SGCD: variants seen among roughly 807,000 people sequenced by gnomAD.
SGCD encodes the protein sarcoglycan delta, also known as delta-sarcoglycan.
SGCD carries 18 observed loss-of-function variants against 36.6 expected under a neutral mutation model. The ratio of observed to expected loss-of-function variants is 0.49; its 90% CI spans 0.34 to 0.73. The LOEUF is 0.73. Ranked by LOEUF, SGCD falls within the 30% of genes least tolerant of loss-of-function variation. SGCD has a pLI of 0.01. For missense variants in SGCD, 387 were observed against 346.7 expected (o/e 1.12, Z -0.92); for synonymous variants, 133 against 130.6 (o/e 1.02, Z -0.12).
intron 3 of SGCD, among the ~76,000 whole-genome samples, chr5:156,345,352 A>T (rs1768891585): frequency 6.6e-6 from 1 of 152,200 alleles, no homozygotes; most frequent in African/African-American, 2.4e-5. Flanking sequence ...ATGAAAAGAA[A>T]ATCCTGAAAA....
In SGCD at chr5:156,049,919, T is replaced by A. The variant is rs1290945847; in HGVS notation, c.-281-67959T>A. 2.7e-5 allele frequency among the ~76,000 whole-genome samples: 4 copies of A among 146,542 alleles called. 1 individual carries two copies. The highest frequency in any genetic ancestry group is 6.2e-5 in the Non-Finnish European group (4 of 64,984). ...TGGAGCTGTGACTGAAGTGCTGAAATCTCATGATAAAACTTGAATGGATGA... is the reference window on the plus strand; with the variant it reads ...TGGAGCTGTGACTGAAGTGCTGAAAACTCATGATAAAACTTGAATGGATGA... On this transcript the variant is annotated intron_variant, in intron 1 of 9. Transcript: ENST00000517913.
intron 3 of SGCD, among the ~76,000 whole-genome samples, chr5:156,251,989 A>C (rs1765592127): frequency 6.6e-6 from 1 of 152,144 alleles, no homozygotes; most frequent in South Asian, 2.1e-4. Flanking sequence ...AAACTTAATA[A>C]CTTTGTCTTA....
At chr5:155,790,947 T>C in the SGCD span, among the ~76,000 whole-genome samples, 1 of 152,112 alleles carries the variant, frequency 6.6e-6, no homozygotes, top group African/African-American at 2.4e-5. Flanking sequence ...CTTTATTACA[T>C]GCTACAATAA....
At chr5:155,767,509 G>A in the SGCD span, among the ~76,000 whole-genome samples, 2 of 152,138 alleles carry the variant, frequency 1.3e-5, no homozygotes, top group African/African-American at 4.8e-5. Flanking sequence ...GTTCTTGGTA[G>A]GTTTACCCTG....
chr5:156,734,084 G>A (rs778378524), intron 7 of SGCD, among the ~76,000 whole-genome samples: 1 of 152,122 alleles, frequency 6.6e-6, no homozygotes, highest in Non-Finnish European at 1.5e-5. Context: ...CAGAGCTCTT[G>A]TAAGGCAGAT....
At chr5:155,768,128 G>A in the SGCD span, among the ~76,000 whole-genome samples, 3 of 152,094 alleles carry the variant, frequency 2.0e-5, no homozygotes, top group Non-Finnish European at 4.4e-5. Context: ...GAGAAAAATA[G>A]GTGAGGGGAA....
At chr5:156,506,344 AACAC>A (rs1286268926) in intron 3 of SGCD, among the ~76,000 whole-genome samples, 2 of 151,528 alleles carry the variant, frequency 1.3e-5, no homozygotes, top group African/African-American at 4.9e-5. Flanking sequence ...ATTTTTACTA[AACAC>A]ACACTCACAC....
chr5:155,977,188 T>A (rs1291393189), intron 1 of SGCD, among the ~76,000 whole-genome samples: 1 of 152,190 alleles, frequency 6.6e-6, no homozygotes, highest in African/African-American at 2.4e-5. Context: ...TTTGTCCAGA[T>A]CTCATGCCCT....
intron 3 of SGCD, among the ~76,000 whole-genome samples, chr5:156,126,633 T>C (rs1762178277): frequency 1.3e-5 from 2 of 152,210 alleles, no homozygotes; most frequent in South Asian, 4.1e-4. Flanking sequence ...GTACTATCAA[T>C]CTGCCTAATG....
rs558075764 is a variant in SGCD, at chr5:156,204,616, C to T, written c.-44+80597C>T. On this transcript the variant is annotated intron_variant, in intron 3 of 9. Transcript: ENST00000517913. ...TGGGATCTTGGCAAGTTATGTCACC[C>T]TTCTCAGCCTCACTTTCTTCATCTG... is the stretch of plus-strand genomic sequence containing the variant. Among the ~76,000 whole-genome samples the T allele has an allele frequency of 7.9e-5, 12 of 152,174 alleles. No individual in the cohort carries two copies. In the South Asian group the frequency reaches 2.5e-3, roughly 32 times the overall value.
At position 156,512,162 on chromosome 5, in the gene SGCD, C is replaced by G. The variant is rs1440522443; in HGVS notation, c.294+3460C>G. Among the ~76,000 whole-genome samples, 6 of 130,138 alleles carry G rather than the reference C, an allele frequency of 4.6e-5. No homozygotes were observed. The East Asian group carries it at 1.4e-3, about 31-fold the overall frequency. 85.4% of individuals were successfully genotyped at this position (130,138 alleles called of 152,430 possible). A position where few individuals can be genotyped will look rare whatever the true frequency, so the allele number is the denominator to read the frequency against. The stretch of plus-strand genomic sequence containing the variant: ...TGAGCTGAGATCGTGCCACTGCACT[C>G]TAGCCTGGATGACAGTGAGACTCTG... On this transcript the variant is annotated intron_variant, in intron 4 of 8. Coordinates refer to ENST00000337851, the MANE Select transcript of SGCD (RefSeq NM_000337.6).
At chr5:155,961,835 T>G (rs140663617) in intron 1 of SGCD, among the ~76,000 whole-genome samples, 1 of 152,080 alleles carries the variant, frequency 6.6e-6, no homozygotes, top group African/African-American at 2.4e-5. Flanking sequence ...TTTTAAAAAA[T>G]GCATGAAAAC....
intron 5 of SGCD, 62 bp downstream of exon 5, chr5:156,589,380 A>G (rs1581216534): frequency 7.8e-6 from 7 of 902,024 alleles, no homozygotes; most frequent in Non-Finnish European, 1.1e-5. Context: ...TACAGAATTA[A>G]TGGTCAAAGG....
intron 3 of SGCD, among the ~76,000 whole-genome samples, chr5:156,211,703 C>G (rs1764448533): frequency 1.3e-5 from 2 of 150,480 alleles, no homozygotes; most frequent in Admixed American, 6.6e-5. Flanking sequence ...AAGTATATAT[C>G]AAATTCATAA....
intron 7 of SGCD, among the ~76,000 whole-genome samples, chr5:156,741,602 G>A (rs1756677124): frequency 6.6e-6 from 1 of 151,388 alleles, no homozygotes; most frequent in Non-Finnish European, 1.5e-5. Context: ...ATATTCCCTG[G>A]GCCGAAAACT....
intron 3 of SGCD, among the ~76,000 whole-genome samples, chr5:156,210,869 G>A (rs1251094856): frequency 6.6e-6 from 1 of 152,214 alleles, no homozygotes; most frequent in Admixed American, 6.5e-5. Flanking sequence ...AAGTAAAAGA[G>A]AGAGAAAATG....
intron 3 of SGCD, among the ~76,000 whole-genome samples, chr5:156,286,877 C>T (rs1052392628): frequency 3.3e-5 from 5 of 151,624 alleles, no homozygotes; most frequent in Non-Finnish European, 7.4e-5. Context: ...GGGTGTCTGT[C>T]ATAGAGTGGA....
intron 3 of SGCD, among the ~76,000 whole-genome samples, chr5:156,168,706 C>G (rs1022410124): frequency 1.3e-5 from 2 of 152,198 alleles, no homozygotes; most frequent in Non-Finnish European, 2.9e-5. Context: ...GAGCTTCACT[C>G]TCCCCATTCA....
At chr5:156,476,340 A>G (rs904537242) in intron 3 of SGCD, among the ~76,000 whole-genome samples, 8 of 152,214 alleles carry the variant, frequency 5.3e-5, no homozygotes, top group African/African-American at 1.7e-4. Flanking sequence ...TCCAGAAAGG[A>G]GCTGACTGTG....
Sources: allele counts gnomAD v4.1 joint callset (sites outside exome capture counted in the v4.1 genomes callset), GRCh38; gene constraint gnomAD v4.1.1; transcripts MANE v1.5; gene names NCBI Gene and HGNC (gene_info 2026-07-23, HGNC 2026-07-21).